Variants in RBKS observed in about 807,000 individuals in gnomAD.
RBKS encodes ribokinase.
Under a neutral mutation model 33.9 loss-of-function variants are expected in RBKS, and 33 were observed. The ratio of observed to expected loss-of-function variants is 0.97; its 90% CI spans 0.74 to 1.30. The LOEUF (loss-of-function observed/expected upper bound fraction) is 1.30. Among genes scored for constraint, RBKS ranks in the 50% most tolerant of loss-of-function variants. The probability of loss-of-function intolerance (pLI) is 0.00; values close to 1 mark genes in which losing one functional copy is unlikely to be tolerated. For synonymous variants in RBKS, 125 were observed against 143.0 expected, an observed-to-expected ratio of 0.87 and a Z score of 0.90; for missense variants, 361 against 392.6, an observed-to-expected ratio of 0.92 and a Z score of 0.68.
chr2:27,846,588 T>A (rs1396712967), intron 4 of RBKS, among the ~76,000 whole-genome samples: 1 of 152,234 alleles, frequency 6.6e-6, no homozygotes, highest in Admixed American at 6.5e-5. Context: ...ACACTAACGA[T>A]AAGTTGGATG....
intron 6 of RBKS, among the ~76,000 whole-genome samples, chr2:27,829,636 G>A (rs1678383402): frequency 6.6e-6 from 1 of 152,120 alleles, no homozygotes; most frequent in African/African-American, 2.4e-5. Context: ...CAAAGTGCTG[G>A]GATTACAGGC....
chr2:27,789,977 A>ATATGTAT (rs1677489889), intron 7 of RBKS, among the ~76,000 whole-genome samples: 1 of 131,012 alleles, frequency 7.6e-6, no homozygotes, highest in Non-Finnish European at 1.6e-5. Flanking sequence ...ATATATGTAT[A>ATATGTAT]TATATATGTA....
At chr2:27,878,763 G>A (rs1468085244) in intron 1 of RBKS, among the ~76,000 whole-genome samples, 2 of 152,138 alleles carry the variant, frequency 1.3e-5, no homozygotes, top group African/African-American at 4.8e-5. Context: ...GTTTTGATTT[G>A]CATTTCTCTG....
At chr2:27,794,093 A>G (rs1438761528) in intron 7 of RBKS, among the ~76,000 whole-genome samples, 1 of 151,966 alleles carries the variant, frequency 6.6e-6, no homozygotes, top group Non-Finnish European at 1.5e-5. Flanking sequence ...TGAGGTTGGG[A>G]GTTCAAGACC....
chr2:27,819,991 CAG>C (rs1014529041), intron 7 of RBKS, among the ~76,000 whole-genome samples: 9 of 152,152 alleles, frequency 5.9e-5, no homozygotes, highest in Admixed American at 1.3e-4. Context: ...TCCATCCATT[CAG>C]AGTTTATCCT....
At chr2:27,853,353 GA>G (rs71401587) in intron 2 of RBKS, among the ~76,000 whole-genome samples, 1,107 of 64,602 alleles carry the variant, frequency 0.017, 3 homozygotes, top group African/African-American at 0.031. Context: ...ACCTGTCTCT[GA>G]AAAAAAAAAA....
intron 5 of RBKS, among the ~76,000 whole-genome samples, chr2:27,836,226 T>A (rs1239246128): frequency 1.6e-4 from 25 of 152,108 alleles, no homozygotes; most frequent in Admixed American, 1.6e-3. Context: ...AAAATACTAC[T>A]ACTAATAATA....
At chr2:27,868,770 A>G (rs1223328113) in intron 1 of RBKS, among the ~76,000 whole-genome samples, 1 of 152,172 alleles carries the variant, frequency 6.6e-6, no homozygotes, top group Non-Finnish European at 1.5e-5. Context: ...CCTATTCTTT[A>G]TGCCTGAAAG....
rs947623411 is a variant in RBKS at position 27,880,938 on chromosome 2, A to C, written c.89+9319T>G. On this transcript the variant is annotated intron_variant, in intron 1 of 7. Coordinates refer to ENST00000302188, the MANE Select transcript of RBKS (RefSeq NM_022128.3). ...TATTTTAAAATTCAAATGGGGCTGC[A>C]CACGATGGCTCACACCTGTAATCCC... 2.0e-5 allele frequency among the ~76,000 whole-genome samples: 3 copies of C among 152,198 alleles called. No individual in the cohort carries two copies. In the East Asian group the frequency reaches 5.8e-4, roughly 29 times the overall value.
intron 6 of RBKS, among the ~76,000 whole-genome samples, chr2:27,831,130 C>T (rs1678407373): frequency 6.6e-6 from 1 of 152,092 alleles, no homozygotes; most frequent in Non-Finnish European, 1.5e-5. Flanking sequence ...CATGCTATCC[C>T]CTGTGTGAAT....
chr2:27,781,881 A>G lies in RBKS; in HGVS notation c.796-93T>C, dbSNP rs922793837. 1.5e-5 allele frequency: 17 copies of G among 1,160,726 alleles called. No individual in the cohort carries two copies. In the African/African-American group the frequency reaches 2.5e-4, roughly 17 times the overall value. 71.9% of individuals were successfully genotyped at this position (1,160,726 alleles called of 1,614,324 possible). ...AAGATATTTAAGTAAACTTAATTTT[A>G]GTTTTAGATTTACAGAAAAGGTACA... On this transcript the variant is annotated intron_variant, in intron 7 of 7. Transcript: ENST00000302188.
chr2:27,845,706 C>T lies in RBKS; in HGVS notation c.349+1336G>A, dbSNP rs535019802. On this transcript the variant is annotated intron_variant, in intron 4 of 7. Coordinates refer to ENST00000302188, the MANE Select transcript of RBKS (RefSeq NM_022128.3). ...TATCGTTATTATTGCTACTTGGAATCACTAAAGCCGAGTTAAAAATACCAT... is the reference window on the plus strand; with the variant it reads ...TATCGTTATTATTGCTACTTGGAATTACTAAAGCCGAGTTAAAAATACCAT... 3.2e-4 allele frequency among the ~76,000 whole-genome samples: 48 copies of T among 152,274 alleles called. 2 individuals are homozygous for T. In the South Asian group the frequency reaches 1.0e-2, roughly 32 times the overall value.
At chr2:27,811,586 C>T (rs1677985906) in intron 7 of RBKS, among the ~76,000 whole-genome samples, 1 of 152,172 alleles carries the variant, frequency 6.6e-6, no homozygotes, top group Non-Finnish European at 1.5e-5. Flanking sequence ...TGAAGAAACC[C>T]AATTTAGGCT....
At chr2:27,860,256 T>C (rs1467235530) in intron 1 of RBKS, among the ~76,000 whole-genome samples, 1 of 152,242 alleles carries the variant, frequency 6.6e-6, no homozygotes. Flanking sequence ...TGACAAGTGA[T>C]GATGAGATTT....
intron 1 of RBKS, among the ~76,000 whole-genome samples, chr2:27,867,957 TGAA>T (rs755359536): frequency 8.4e-4 from 128 of 152,306 alleles, no homozygotes; most frequent in Admixed American, 2.7e-3. Context: ...TTAAATTCAC[TGAA>T]GACAAGAAAA....
chr2:27,847,935 G>A, intron 3 of RBKS, 99 bp downstream of exon 3: 5 of 696,286 alleles, frequency 7.2e-6, no homozygotes, highest in Non-Finnish European at 1.3e-5. Flanking sequence ...TGGCCACCAG[G>A]GGAAGGTCTA....
intron 1 of RBKS, among the ~76,000 whole-genome samples, chr2:27,877,945 T>C (rs1476749195): frequency 6.6e-6 from 1 of 152,200 alleles, no homozygotes; most frequent in Non-Finnish European, 1.5e-5. Context: ...TAAATCTGAC[T>C]TTAGCACTAA....
At chr2:27,866,124 T>C (rs1207165059) in intron 1 of RBKS, among the ~76,000 whole-genome samples, 1 of 152,178 alleles carries the variant, frequency 6.6e-6, no homozygotes, top group East Asian at 1.9e-4. Context: ...TGGTGATAAA[T>C]TCTTTTATTT....
chr2:27,844,038 A>G (rs1663567418), intron 4 of RBKS, among the ~76,000 whole-genome samples: 1 of 152,132 alleles, frequency 6.6e-6, no homozygotes, highest in South Asian at 2.1e-4. Context: ...AGGTGGGCAG[A>G]TCACTTGAGG....
Sources: allele counts gnomAD v4.1 joint callset (sites outside exome capture counted in the v4.1 genomes callset), GRCh38; gene constraint gnomAD v4.1.1; transcripts MANE v1.5; gene names NCBI Gene and HGNC (gene_info 2026-07-23, HGNC 2026-07-21).